The following PDE4D variants were observed in gnomAD, a reference collection of about 807,000 sequenced individuals.
PDE4D encodes phosphodiesterase 4D.
A neutral mutation model predicts 87.4 loss-of-function variants in PDE4D; 24 were observed. The observed-to-expected ratio is 0.27, with a 90% confidence interval of 0.20 to 0.39. The LOEUF (loss-of-function observed/expected upper bound fraction) is 0.39, where lower values mean the gene tolerates loss of function less well. Among genes scored for constraint, PDE4D ranks in the 10% least tolerant of loss-of-function variants. PDE4D has a pLI of 1.00. For synonymous variants in PDE4D, 384 were observed against 383.2 expected, an observed-to-expected ratio of 1.00 and a Z score of -0.02; for missense variants, 714 against 1,041.0, an observed-to-expected ratio of 0.69 and a Z score of 4.32.
chr5:60,016,842 T>G (rs1428386588), intron 2 of PDE4D, among the ~76,000 whole-genome samples: 1 of 152,218 alleles, frequency 6.6e-6, no homozygotes, highest in South Asian at 2.1e-4. Context: ...CCGGTAAATG[T>G]TGATATCTTG....
Position 59,781,784 on chromosome 5 carries a change from C to CAAA in PDE4D, c.455+111381_455+111383dup, listed in dbSNP as rs58613622. On this transcript the variant is annotated intron_variant, in intron 1 of 14. Transcript: ENST00000340635. ...TGGGCGACAGAGCGACACTCCATCT[C>CAAA]AAAAAAAAAAAAAAAAAAAAAAAAA... 4.5e-3 allele frequency among the ~76,000 whole-genome samples: 181 copies of CAAA among 39,864 alleles called. 17 individuals carry two copies. The highest frequency in any genetic ancestry group is 6.0e-3 in the Non-Finnish European group (130 of 21,708). 26.2% of individuals were successfully genotyped at this position (39,864 alleles called of 152,430 possible).
At chr5:59,195,263 G>T (rs1745199503) in intron 2 of PDE4D, among the ~76,000 whole-genome samples, 1 of 151,824 alleles carries the variant, frequency 6.6e-6, no homozygotes, top group Non-Finnish European at 1.5e-5. Context: ...AATTTACCTT[G>T]ACTCTCAAAA....
Position 60,358,151 on chromosome 5 carries a change from T to C in PDE4D, c.-90+129791A>G, listed in dbSNP as rs146453048. Among the ~76,000 whole-genome samples, 4 of 152,326 alleles carry C rather than the reference T, an allele frequency of 2.6e-5. No individual in the cohort carries two copies. The East Asian group carries it at 5.8e-4, about 22-fold the overall frequency. ...GCCTGCAGATTTGACCACTCTGCTATACTGTGGTGTTCCCTTGACCGCTTC... is the reference window on the plus strand; with the variant it reads ...GCCTGCAGATTTGACCACTCTGCTACACTGTGGTGTTCCCTTGACCGCTTC... On this transcript the variant is annotated intron_variant, in intron 1 of 16. Transcript: ENST00000502484.
At chr5:59,361,425 C>T (rs1782206446) in intron 1 of PDE4D, among the ~76,000 whole-genome samples, 3 of 152,246 alleles carry the variant, frequency 2.0e-5, no homozygotes, top group Admixed American at 2.0e-4. Flanking sequence ...GTTCAATTCT[C>T]TGTATATGAA....
chr5:59,943,775 T>C (rs1757433024), intron 3 of PDE4D, among the ~76,000 whole-genome samples: 1 of 152,184 alleles, frequency 6.6e-6, no homozygotes, highest in South Asian at 2.1e-4. Flanking sequence ...AATTGTTCCC[T>C]GCCCCTAAGG....
intron 1 of PDE4D, among the ~76,000 whole-genome samples, chr5:59,617,268 A>G (rs1829819973): frequency 2.6e-5 from 4 of 152,112 alleles, no homozygotes; most frequent in African/African-American, 9.7e-5. Flanking sequence ...GTAGCCCTGT[A>G]TAGTGAAAGT....
At chr5:59,471,570 T>G (rs1802452138) in intron 1 of PDE4D, among the ~76,000 whole-genome samples, 2 of 152,252 alleles carry the variant, frequency 1.3e-5, no homozygotes, top group South Asian at 4.1e-4. Context: ...AATAGCTTTA[T>G]AGCTTCTGTA....
At chr5:59,668,833 G>A (rs148379883) in intron 1 of PDE4D, among the ~76,000 whole-genome samples, 3,814 of 53,268 alleles carry the variant, frequency 0.072, 444 homozygotes, top group African/African-American at 0.27. Flanking sequence ...AAGAAGAAGA[G>A]GAAGAGGAAG....
intron 1 of PDE4D, among the ~76,000 whole-genome samples, chr5:59,642,504 A>T (rs1262862296): frequency 6.6e-6 from 1 of 152,142 alleles, no homozygotes; most frequent in Non-Finnish European, 1.5e-5. Context: ...TTTCCCCTAT[A>T]CTATTCTCGT....
intron 2 of PDE4D, among the ~76,000 whole-genome samples, chr5:60,105,202 C>A (rs545162428): frequency 3.1e-4 from 47 of 152,226 alleles, no homozygotes; most frequent in African/African-American, 1.0e-3. Context: ...GGCTTGAGAA[C>A]TACGTGAAGA....
At chr5:60,114,978 A>ATGGATGGATGGC (rs145654898) in intron 2 of PDE4D, among the ~76,000 whole-genome samples, 3,369 of 149,252 alleles carry the variant, frequency 0.023, 65 homozygotes, top group African/African-American at 0.038. Context: ...GGATGGATGG[A>ATGGATGGATGGC]TGGCTAGATA....
At chr5:59,487,316 A>G (rs1562270989) in intron 1 of PDE4D, among the ~76,000 whole-genome samples, 1 of 152,212 alleles carries the variant, frequency 6.6e-6, no homozygotes. Flanking sequence ...GAGGAATTTC[A>G]AGTTGATAGG....
chr5:59,316,558 A>G (rs1272404533), intron 1 of PDE4D, among the ~76,000 whole-genome samples: 2 of 152,204 alleles, frequency 1.3e-5, no homozygotes, highest in Admixed American at 6.5e-5. Flanking sequence ...TGATTTATAT[A>G]TAAACTGTAC....
intron 1 of PDE4D, among the ~76,000 whole-genome samples, chr5:60,433,035 T>C (rs1744479977): frequency 6.6e-6 from 1 of 152,136 alleles, no homozygotes; most frequent in Admixed American, 6.5e-5. Context: ...GATTTTATGA[T>C]GAATATGCCA....
intron 1 of PDE4D, among the ~76,000 whole-genome samples, chr5:59,676,802 T>C (rs180955331): frequency 1.4e-3 from 211 of 152,256 alleles, no homozygotes; most frequent in African/African-American, 4.9e-3. Context: ...CCTCTAAGTA[T>C]TTGAAAATAT....
intron 3 of PDE4D, among the ~76,000 whole-genome samples, chr5:59,191,806 G>A (rs1257260226): frequency 1.3e-5 from 2 of 151,946 alleles, no homozygotes; most frequent in African/African-American, 4.8e-5. Flanking sequence ...CCTGACCTCA[G>A]GTGATCCACC....
intron 1 of PDE4D, among the ~76,000 whole-genome samples, chr5:60,204,490 A>C (rs1483873717): frequency 1.3e-5 from 2 of 150,302 alleles, no homozygotes; most frequent in African/African-American, 4.8e-5. Flanking sequence ...GCTTCTTGCC[A>C]GATGAAGTCT....
intron 2 of PDE4D, among the ~76,000 whole-genome samples, chr5:60,142,333 C>A (rs1295546015): frequency 6.6e-6 from 1 of 152,144 alleles, no homozygotes; most frequent in Non-Finnish European, 1.5e-5. Flanking sequence ...CATAATCATA[C>A]TCTTCACAAG....
intron 1 of PDE4D, among the ~76,000 whole-genome samples, chr5:59,743,514 T>C (rs1242126049): frequency 6.6e-6 from 1 of 151,606 alleles, no homozygotes. Context: ...GGATAGCTAC[T>C]GTAAACACAC....
Sources: gnomAD v4.1 joint callset for allele counts (sites outside exome capture counted in the v4.1 genomes callset) on GRCh38, gnomAD v4.1.1 for gene constraint, MANE v1.5 for transcripts, NCBI Gene and HGNC (gene_info 2026-07-23, HGNC 2026-07-21) for gene names.